ZNF436: variants seen among roughly 807,000 people sequenced by gnomAD.
ZNF436 encodes zinc finger protein 436.
Under a neutral mutation model 41.9 loss-of-function variants are expected in ZNF436, and 22 were observed. The ratio of observed to expected loss-of-function variants is 0.53; its 90% CI spans 0.38 to 0.75. The LOEUF (loss-of-function observed/expected upper bound fraction) is 0.75, where lower values mean the gene tolerates loss of function less well. Ranked by LOEUF, ZNF436 falls within the 30% of genes least tolerant of loss-of-function variation. The pLI, the probability that ZNF436 is intolerant of heterozygous loss-of-function variation, is 0.00. For synonymous variants in ZNF436, 217 were observed against 197.8 expected, an observed-to-expected ratio of 1.10 and a Z score of -0.82; for missense variants, 506 against 587.3, an observed-to-expected ratio of 0.86 and a Z score of 1.43.
Position 23,361,382 on chromosome 1 carries a change from A to C in ZNF436, c.*587T>G, listed in dbSNP as rs1208860418. 6.5e-6 allele frequency: 1 copy of C among 152,784 alleles called. No homozygotes were observed. Among genetic ancestry groups the C allele is most frequent in the Non-Finnish European group, 1.5e-5 (1 of 68,154 alleles). The allele number at this position is 152,784 out of a possible 1,614,324, so 9.5% of individuals were successfully genotyped here. On this transcript the variant is annotated 3_prime_UTR_variant, in exon 4 of 4. Coordinates refer to ENST00000314011, the MANE Select transcript of ZNF436 (RefSeq NM_001077195.2). ...TGCAAGCTTTAAAGGAGCTAATTAGAAACAATGAGAAGGAGAAAAGTTACA... is the reference window on the plus strand; with the variant it reads ...TGCAAGCTTTAAAGGAGCTAATTAGCAACAATGAGAAGGAGAAAAGTTACA...
intron 1 of ZNF436, chr1:23,368,487 T>C (rs574370454): frequency 1.9e-5 from 3 of 158,986 alleles, no homozygotes; most frequent in South Asian, 3.0e-4. Flanking sequence ...GAGCCTCTAG[T>C]GCGCCTGTGC....
At chr1:23,369,190 GC>G (rs1196500821) in intron 1 of ZNF436, 175 bp downstream of exon 1, 2 of 399,184 alleles carry the variant, frequency 5.0e-6, no homozygotes, top group Non-Finnish European at 1.0e-5. Context: ...GGGGGGGCGG[GC>G]CCTCCTTAGC....
rs1158999297 is a variant in ZNF436, at chr1:23,367,070, C to G, written c.132G>C (p.Gln44His). The G allele has an allele frequency of 5.0e-6, 8 of 1,613,914 alleles. No individual in the cohort carries two copies. Among genetic ancestry groups the G allele is most frequent in the Non-Finnish European group, 6.8e-6 (8 of 1,179,912 alleles). The stretch of plus-strand genomic sequence containing the variant: ...GTGAGACAACATTTCCATAATTCTC[C>G]TGCATAACATCCCGGTAAAGGTCCC... ...AQRDLYRDVM[Q>H]ENYGNVVSLD... Residue 44 changes from glutamine to histidine, a missense_variant, in exon 3 of 4, where the codon CAG becomes CAC. Gln to His is a conservative substitution (Grantham distance 24, BLOSUM62 0). Around this residue, in one of 2 missense-constraint regions of ZNF436, gnomAD observed 228 missense variants for 215.1 expected, o/e 1.06. Coordinates refer to ENST00000314011, the MANE Select transcript of ZNF436 (RefSeq NM_001077195.2).
rs368992624 is a variant in ZNF436, at chr1:23,369,713, A to G, written c.-408T>C. 3.6e-5 allele frequency: 15 copies of G among 422,042 alleles called. No individual in the cohort carries two copies. Among genetic ancestry groups the G allele is most frequent in the African/African-American group, 2.9e-4 (14 of 48,410 alleles). 26.1% of individuals were successfully genotyped at this position (422,042 alleles called of 1,614,324 possible). On this transcript the variant is annotated 5_prime_UTR_variant, in exon 1 of 4. Coordinates refer to ENST00000314011, the MANE Select transcript of ZNF436 (RefSeq NM_001077195.2). The stretch of plus-strand genomic sequence containing the variant: ...AGCTGGAGTTCCTCGGAACGGGAGG[A>G]CTCGCAGCTCTCCCTTTCCCCAGCC...
Position 23,361,979 on chromosome 1 carries a change from T to G in ZNF436, c.1403A>C (p.His468Pro). The G allele has an allele frequency of 1.3e-6, 2 of 1,595,008 alleles. No individual in the cohort carries two copies. The highest frequency in any genetic ancestry group is 1.7e-6 in the Non-Finnish European group (2 of 1,170,994). Residue 468 changes from histidine to proline, a missense_variant, in exon 4 of 4, where the codon CAT becomes CCT. Physicochemically the swap from His to Pro is moderately conservative, Grantham distance 77 (BLOSUM62 -2). Transcript: ENST00000314011. ...CATCATAATTACAGCTTAGTCCGTA[T>G]GAACTCTCTTATGTTTAATAAGAGC... ...SSALIKHKRVHTD is the reference protein window; with the variant it reads ...SSALIKHKRVPTD
In ZNF436 at chr1:23,363,086, C is replaced by T; in HGVS notation, c.296G>A (p.Gly99Glu). The change falls in exon 4 of 4, where the codon GGA (glycine) becomes GAA (glutamate). Residue 99 changes from glycine (G) to glutamate (E), a missense_variant. Physicochemically the swap from Gly to Glu is moderately conservative, Grantham distance 98. Around this residue, in one of 2 missense-constraint regions of ZNF436, gnomAD observed 228 missense variants for 215.1 expected, o/e 1.06. Transcript: ENST00000314011. ...NPESEEGFES[G>E]DRSERQWGDL... Reference sequence around the variant, plus strand: ...TCCCCATTGTCTTTCTGACCTATCTCCGCTTTCAAAGCCCTCTTCACTTTC... The same window carrying T: ...TCCCCATTGTCTTTCTGACCTATCTTCGCTTTCAAAGCCCTCTTCACTTTC... 1 of 1,614,218 alleles carries T rather than the reference C, an allele frequency of 6.2e-7. No homozygotes were observed. Among genetic ancestry groups the T allele is most frequent in the Non-Finnish European group, 8.5e-7 (1 of 1,180,052 alleles).
chr1:23,360,488 A>G lies in ZNF436; in HGVS notation c.*1481T>C, dbSNP rs1309611826. On this transcript the variant is annotated 3_prime_UTR_variant, in exon 4 of 4. Transcript: ENST00000314011. ...TGCTTGGATAGCATCAACACTTGAG[A>G]TATTTCTTAATTCCTACCTGGACTG... 6.6e-6 allele frequency: 1 copy of G among 152,202 alleles called. No homozygotes were observed. Among genetic ancestry groups the G allele is most frequent in the Non-Finnish European group, 1.5e-5 (1 of 68,032 alleles). The allele number at this position is 152,202 out of a possible 1,614,324, so 9.4% of individuals were successfully genotyped here. A position where few individuals can be genotyped will look rare whatever the true frequency, so the allele number is the denominator to read the frequency against.
At position 23,363,207 on chromosome 1, in the gene ZNF436, T is replaced by C. The variant is rs1638288667; in HGVS notation, c.175A>G (p.Ser59Gly). 1 of 1,610,650 alleles carries C rather than the reference T, an allele frequency of 6.2e-7. No individual in the cohort carries two copies. Among genetic ancestry groups the C allele is most frequent in the Non-Finnish European group, 8.5e-7 (1 of 1,178,826 alleles). ...TGCTTGGGATTTACCTCGTTCTCAC[T>C]CCTGATCTCAAAATCTGTAATAAAA... ...NVVSLDFEIR[S>G]ENEVNPKQEI... The change falls in exon 4 of 4, where the codon AGT becomes GGT. Residue 59 changes from serine to glycine, a missense_variant. Ser to Gly is a moderately conservative substitution (Grantham distance 56, BLOSUM62 0). Coordinates refer to ENST00000314011, the MANE Select transcript of ZNF436 (RefSeq NM_001077195.2).
chr1:23,364,765 T>C (rs564771287), intron 3 of ZNF436, among the ~76,000 whole-genome samples: 12 of 152,228 alleles, frequency 7.9e-5, no homozygotes, highest in South Asian at 4.1e-4. Context: ...ACAACCACTG[T>C]CTACAAGGAG....
At chr1:23,369,259 C>T (rs369602978) in intron 1 of ZNF436, 107 bp downstream of exon 1, 6 of 456,328 alleles carry the variant, frequency 1.3e-5, no homozygotes, top group South Asian at 8.2e-5. Flanking sequence ...CCGAAGGGAC[C>T]CTGGGCGTCT....
rs1638240998 is a variant in ZNF436 at position 23,361,908 on chromosome 1, A to G, written c.*61T>C. 2 of 1,504,702 alleles carry G rather than the reference A, an allele frequency of 1.3e-6. No homozygotes were observed. The allele number at this position is 1,504,702 out of a possible 1,614,324, so 93.2% of individuals were successfully genotyped here. ...AAGCAGCTCAGTCTTGAGGGCGTTC[A>G]TTGATATCAAATAAAATTGTATCTT... is the stretch of plus-strand genomic sequence containing the variant. On this transcript the variant is annotated 3_prime_UTR_variant, in exon 4 of 4. Coordinates refer to ENST00000314011, the MANE Select transcript of ZNF436 (RefSeq NM_001077195.2).
At chr1:23,368,410 CG>C (rs2148532230) in intron 1 of ZNF436, 1 of 196,120 alleles carries the variant, frequency 5.1e-6, no homozygotes, top group African/African-American at 2.3e-5. Context: ...AATCAGCGAG[CG>C]AAGTTCGTGA....
In ZNF436 at chr1:23,359,714, AT is replaced by A. The variant is rs979426848; in HGVS notation, c.*2254del. 3 of 152,706 alleles carry A rather than the reference AT, an allele frequency of 2.0e-5. No individual in the cohort carries two copies. Among genetic ancestry groups the A allele is most frequent in the African/African-American group, 7.2e-5 (3 of 41,460 alleles). 9.5% of individuals were successfully genotyped at this position (152,706 alleles called of 1,614,324 possible). A position where few individuals can be genotyped will look rare whatever the true frequency, so the allele number is the denominator to read the frequency against. On this transcript the variant is annotated 3_prime_UTR_variant, in exon 4 of 4. Transcript: ENST00000314011. ...AGTTCAACACAGCAAACGGGCAACA[AT>A]TGGCAGAAAGAGGAGACAGCTGGTG...
In ZNF436 at chr1:23,363,021, G is replaced by A. The variant is rs777582314; in HGVS notation, c.361C>T (p.Pro121Ser). The A allele has an allele frequency of 1.2e-6, 2 of 1,614,064 alleles. No homozygotes were observed. The highest frequency in any genetic ancestry group is 2.7e-5 in the African/African-American group (2 of 74,922). Residue 121 changes from proline (P) to serine (S), a missense_variant, in exon 4 of 4, where the codon CCA (proline) becomes TCA (serine). This residue lies in a region of ZNF436 where 228 missense variants were observed against 215.1 expected (regional missense o/e 1.06). Coordinates refer to ENST00000314011, the MANE Select transcript of ZNF436 (RefSeq NM_001077195.2). ...AEEWVSYPLQPVTDLLVHKEV... is the reference protein window; with the variant it reads ...AEEWVSYPLQSVTDLLVHKEV... Reference sequence around the variant, plus strand: ...TTGTGGACAAGTAGATCAGTGACTGGTTGGAGAGGATAGCTTACCCACTCT... The same window carrying A: ...TTGTGGACAAGTAGATCAGTGACTGATTGGAGAGGATAGCTTACCCACTCT...
chr1:23,366,126 A>G lies in ZNF436; in HGVS notation c.160+916T>C, dbSNP rs956685167. Among the ~76,000 whole-genome samples, 15 of 152,288 alleles carry G rather than the reference A, an allele frequency of 9.8e-5. No individual in the cohort carries two copies. In the East Asian group the frequency reaches 2.3e-3, roughly 23 times the overall value. On this transcript the variant is annotated intron_variant, in intron 3 of 3. Transcript: ENST00000314011. ...TGGAATATTTGGGTTACAGACTGCA[A>G]TAGATCTGGATAGATAACTATTTAT...
In ZNF436 at chr1:23,362,140, C is replaced by T. The variant is rs767640223; in HGVS notation, c.1242G>A (p.Gly414=). ...ACTGCACACACTCGTAGGGCTTCTC[C>T]CCTGTGTGGGTTCTCTGATGTTTAA... The part of the protein sequence containing the change: ...DLIKHQRTHT[G]EKPYECVQCG... The change falls in exon 4 of 4, where the codon GGG becomes GGA. Residue 414 remains glycine (G), a synonymous_variant. Coordinates refer to ENST00000314011, the MANE Select transcript of ZNF436 (RefSeq NM_001077195.2). The T allele has an allele frequency of 6.2e-7, 1 of 1,613,934 alleles. No individual in the cohort carries two copies. The highest frequency in any genetic ancestry group is 8.5e-7 in the Non-Finnish European group (1 of 1,180,020).
chr1:23,369,028 C>T (rs953253709), intron 1 of ZNF436: 1 of 228,990 alleles, frequency 4.4e-6, no homozygotes, highest in Non-Finnish European at 9.2e-6. Flanking sequence ...CGCTTTAACC[C>T]TGTAGGGGCG....
In ZNF436 at chr1:23,362,986, G is replaced by A; in HGVS notation, c.396C>T (p.His132=). 3 of 1,614,222 alleles carry A rather than the reference G, an allele frequency of 1.9e-6. No homozygotes were observed. Among genetic ancestry groups the A allele is most frequent in the Non-Finnish European group, 2.5e-6 (3 of 1,180,046 alleles). The stretch of plus-strand genomic sequence containing the variant: ...AACATATATGATAGCGGATGCCTGT[G>A]TGGACTTCTTTGTGGACAAGTAGAT... ...VTDLLVHKEV[H]TGIRYHICSH... Residue 132 remains histidine, a synonymous_variant, in exon 4 of 4, where the codon CAC becomes CAT. Transcript: ENST00000314011.
chr1:23,359,751 C>T lies in ZNF436; in HGVS notation c.*2218G>A, dbSNP rs1646981698. On this transcript the variant is annotated 3_prime_UTR_variant, in exon 4 of 4. Transcript: ENST00000314011. ...AGGAGACAGCTGGTGTGGCCCTTGT[C>T]CCTTAAGTTTCCCAGCTAGATTGTT... The T allele has an allele frequency of 6.6e-6, 1 of 152,636 alleles. No individual in the cohort carries two copies. The highest frequency in any genetic ancestry group is 1.5e-5 in the Non-Finnish European group (1 of 68,088). The allele number at this position is 152,636 out of a possible 1,614,324, so 9.5% of individuals were successfully genotyped here. A position where few individuals can be genotyped will look rare whatever the true frequency, so the allele number is the denominator to read the frequency against.
Sources: allele counts gnomAD v4.1 joint callset (sites outside exome capture counted in the v4.1 genomes callset), GRCh38; gene constraint gnomAD v4.1.1; regional missense constraint gnomAD v4.1.1; transcripts MANE v1.5; gene names NCBI Gene and HGNC (gene_info 2026-07-23, HGNC 2026-07-21).